The following RILPL2 variants were observed in gnomAD, a reference collection of about 807,000 sequenced individuals.
RILPL2 encodes RILP-like protein 2.
Under a neutral mutation model 22.2 loss-of-function variants are expected in RILPL2, and 19 were observed. The observed-to-expected ratio is 0.86, with a 90% CI of 0.60 to 1.25. The LOEUF (loss-of-function observed/expected upper bound fraction) is 1.25. RILPL2 is among the 50% of genes most tolerant of loss of function. The probability of loss-of-function intolerance (pLI) is 0.00; values close to 1 mark genes in which losing one functional copy is unlikely to be tolerated. For missense variants in RILPL2, 243 were observed against 263.6 expected, an observed-to-expected ratio of 0.92 and a Z score of 0.54; for synonymous variants, 123 against 111.6, an observed-to-expected ratio of 1.10 and a Z score of -0.64.
intron 2 of RILPL2, among the ~76,000 whole-genome samples, chr12:123,424,592 A>G (rs983381060): frequency 1.3e-5 from 2 of 152,170 alleles, no homozygotes; most frequent in African/African-American, 4.8e-5. Context: ...TGGCCTCCCA[A>G]AGTGTTGGGA....
chr12:123,418,408 C>T (rs182327620), intron 3 of RILPL2, among the ~76,000 whole-genome samples: 2 of 152,304 alleles, frequency 1.3e-5, no homozygotes, highest in Admixed American at 1.3e-4. Flanking sequence ...GTTCTGTCCC[C>T]TTATTTGTGA....
Position 123,436,088 on chromosome 12 carries a change from G to T in RILPL2, c.333C>A (p.Ser111Arg). The change falls in exon 1 of 4, where the codon AGC (serine) becomes AGA (arginine). Residue 111 changes from serine to arginine, a missense_variant. Transcript: ENST00000280571. This position sits in a 1 kb window ranked among gnomAD's most constrained non-coding sequence, Gnocchi z 6.7. ...EGLRRQSPPA[S>R]GEVNLGPNKM... ...CCCTCGCTCCCACACTCACCTCCCC[G>T]CTGGCCGGAGGGCTCTGTCTCCGCA... 6.4e-7 allele frequency: 1 copy of T among 1,571,644 alleles called. No individual in the cohort carries two copies.
downstream of RILPL2, chr12:123,410,825 G>A (rs1007805416): frequency 2.0e-5 from 3 of 152,044 alleles, no homozygotes; most frequent in Non-Finnish European, 4.4e-5. Context: ...GTGTTTACAA[G>A]TACTCAGGAC....
At chr12:123,435,752 AGT>A (rs1436112786) in intron 1 of RILPL2, among the ~76,000 whole-genome samples, 3 of 152,128 alleles carry the variant, frequency 2.0e-5, no homozygotes, top group African/African-American at 4.8e-5. Context: ...AGAAAAAAAA[AGT>A]GTTTCTTGCT....
chr12:123,430,465 G>C (rs1050429971), intron 2 of RILPL2, 43 bp downstream of exon 2: 1 of 1,521,264 alleles, frequency 6.6e-7, no homozygotes. Context: ...AAGGAATTCT[G>C]GGCCAGGTCT....
intron 1 of RILPL2, among the ~76,000 whole-genome samples, chr12:123,431,825 CAA>C (rs1433072161): frequency 1.0e-4 from 10 of 95,690 alleles, no homozygotes; most frequent in African/African-American, 7.9e-5. Flanking sequence ...AACTCCATCT[CAA>C]AAAAAAAAAA....
In RILPL2 at chr12:123,430,604, C is replaced by T. The variant is rs972349014; in HGVS notation, c.395G>A (p.Arg132His). Residue 132 changes from arginine (R) to histidine (H), a missense_variant, in exon 2 of 4, where the codon CGC becomes CAC. Physicochemically the swap from Arg to His is conservative, Grantham distance 29 (BLOSUM62 0). Transcript: ENST00000280571. The stretch of plus-strand genomic sequence containing the variant: ...ATCCCTTAGCTCCTGCAGAGTGAAG[C>T]GGGGTCGGTTGGGATCTGTCAGGTC... ...VVDLTDPNRP[R>H]FTLQELRDVL... 9.3e-6 allele frequency: 15 copies of T among 1,611,714 alleles called. No individual in the cohort carries two copies. Among genetic ancestry groups the T allele is most frequent in the South Asian group, 1.1e-5 (1 of 90,956 alleles).
At chr12:123,425,815 A>T (rs944648523) in intron 2 of RILPL2, among the ~76,000 whole-genome samples, 1 of 151,808 alleles carries the variant, frequency 6.6e-6, no homozygotes, top group Admixed American at 6.6e-5. Context: ...ATGCCTGGCT[A>T]ATTTTTTTGT....
At chr12:123,423,203 GT>G (rs71085902) in intron 2 of RILPL2, 46 bp from the exon 3 acceptor site, 68,496 of 812,590 alleles carry the variant, frequency 0.084, 61 homozygotes, top group East Asian at 0.1. Flanking sequence ...ATTACAGATC[GT>G]TTTTTTTTTT....
chr12:123,421,900 T>C (rs1879292773), intron 3 of RILPL2, among the ~76,000 whole-genome samples: 1 of 151,758 alleles, frequency 6.6e-6, no homozygotes, highest in South Asian at 2.1e-4. Context: ...ACTCCTGACC[T>C]CAGGTGATCT....
At chr12:123,410,094 G>A (rs61953484), downstream of RILPL2, among the ~76,000 whole-genome samples, 4,240 of 152,128 alleles carry the variant, frequency 0.028, 91 homozygotes, top group South Asian at 0.054. Context: ...TGATCCACCC[G>A]CCTCGGCCTC....
chr12:123,410,425 T>C (rs1183725784), downstream of RILPL2, among the ~76,000 whole-genome samples: 3 of 152,162 alleles, frequency 2.0e-5, no homozygotes, highest in Non-Finnish European at 4.4e-5. Flanking sequence ...TAAGTGTTTG[T>C]CAGCCGTGTG....
downstream of RILPL2, chr12:123,412,304 G>A (rs28624763): frequency 0.021 from 3,205 of 152,276 alleles, 42 homozygotes; most frequent in Non-Finnish European, 0.03. Flanking sequence ...ACCATGCCTG[G>A]CTAATTTTTT....
At chr12:123,429,269 C>T (rs549829224) in intron 2 of RILPL2, among the ~76,000 whole-genome samples, 2 of 152,066 alleles carry the variant, frequency 1.3e-5, no homozygotes, top group African/African-American at 4.8e-5. Context: ...GGATGTAACA[C>T]TGCACCAGGA....
chr12:123,415,988 G>C, intron 3 of RILPL2, 67 bp from the exon 4 acceptor site: 1 of 1,530,400 alleles, frequency 6.5e-7, no homozygotes, highest in Non-Finnish European at 9.1e-7. Flanking sequence ...AGCAACCCCC[G>C]TAAAATTTCT....
chr12:123,426,691 C>G (rs1418960203), intron 2 of RILPL2, among the ~76,000 whole-genome samples: 4 of 151,560 alleles, frequency 2.6e-5, no homozygotes, highest in Admixed American at 1.3e-4. Flanking sequence ...GGCTCTGCCC[C>G]CCGGGGCTCA....
chr12:123,417,681 G>A (rs1328944678), intron 3 of RILPL2, among the ~76,000 whole-genome samples: 2 of 152,160 alleles, frequency 1.3e-5, no homozygotes, highest in Admixed American at 1.3e-4. Context: ...GCCTACCAGA[G>A]TTCAAGCAAT....
In RILPL2 at chr12:123,436,364, C is replaced by T; in HGVS notation, c.57G>A (p.Glu19=). 2 of 1,554,120 alleles carry T rather than the reference C, an allele frequency of 1.3e-6. No individual in the cohort carries two copies. The highest frequency in any genetic ancestry group is 1.7e-6 in the Non-Finnish European group (2 of 1,148,586). ...EEEEEGEEDE[E]RDEVGPEGAL... ...CCCCCTCGGGCCCAACCTCGTCCCTCTCCTCGTCCTCCTCTCCCTCCTCCT... is the reference window on the plus strand; with the variant it reads ...CCCCCTCGGGCCCAACCTCGTCCCTTTCCTCGTCCTCCTCTCCCTCCTCCT... The change falls in exon 1 of 4, where the codon GAG becomes GAA. Residue 19 remains glutamate, a synonymous_variant. Transcript: ENST00000280571. This position sits in a 1 kb window ranked among gnomAD's most constrained non-coding sequence, Gnocchi z 6.7.
At position 123,430,617 on chromosome 12, in the gene RILPL2, G is replaced by A. The variant is rs745968599; in HGVS notation, c.382C>T (p.Pro128Ser). 2.5e-6 allele frequency: 4 copies of A among 1,609,658 alleles called. No individual in the cohort carries two copies. Among genetic ancestry groups the A allele is most frequent in the Non-Finnish European group, 3.4e-6 (4 of 1,177,244 alleles). The change falls in exon 2 of 4, where the codon CCC becomes TCC. Residue 128 changes from proline to serine, a missense_variant. Pro to Ser is a moderately conservative substitution (Grantham distance 74). Coordinates refer to ENST00000280571, the MANE Select transcript of RILPL2 (RefSeq NM_145058.3). ...PNKMVVDLTD[P>S]NRPRFTLQEL... ...TGCAGAGTGAAGCGGGGTCGGTTGG[G>A]ATCTGTCAGGTCAACCACCATTTTG...
Sources: gnomAD v4.1 joint callset for allele counts (sites outside exome capture counted in the v4.1 genomes callset) on GRCh38, gnomAD v4.1.1 for gene constraint, Gnocchi (gnomAD v3.1) non-coding constraint, MANE v1.5 for transcripts, NCBI Gene and HGNC (gene_info 2026-07-23, HGNC 2026-07-21) for gene names.